ATR: variants seen among roughly 807,000 people sequenced by gnomAD.
The protein encoded by ATR is ATR checkpoint kinase, also known as serine/threonine-protein kinase ATR.
A neutral mutation model predicts 305.3 loss-of-function variants in ATR; 142 were observed. The ratio of observed to expected loss-of-function variants is 0.47; its 90% CI spans 0.41 to 0.53. The LOEUF is 0.53. Ranked by LOEUF, ATR falls within the 20% of genes least tolerant of loss-of-function variation. The probability of loss-of-function intolerance (pLI) is 0.00; values close to 1 mark genes in which losing one functional copy is unlikely to be tolerated. For synonymous variants in ATR, 1,050 were observed against 1,068.1 expected (o/e 0.98, Z 0.33); for missense variants, 2,135 against 3,133.1 (o/e 0.68, Z 7.60).
Position 142,512,476 on chromosome 3 carries a change from A to G in ATR, c.4642-6T>C, listed in dbSNP as rs2108372772. 1 of 1,577,838 alleles carries G rather than the reference A, an allele frequency of 6.3e-7. No individual in the cohort carries two copies. The highest frequency in any genetic ancestry group is 8.7e-7 in the Non-Finnish European group (1 of 1,149,034). ...GCCATAATTTCTGCATAAACCTATGAGAATCATTTATAATTAATAATAATA... is the reference window on the plus strand; with the variant it reads ...GCCATAATTTCTGCATAAACCTATGGGAATCATTTATAATTAATAATAATA... On this transcript the variant is annotated splice_polypyrimidine_tract_variant and splice_region_variant and intron_variant, in intron 26 of 46. Transcript: ENST00000350721.
chr3:142,473,037 A>T (rs1488859665), intron 36 of ATR, among the ~76,000 whole-genome samples: 1 of 152,100 alleles, frequency 6.6e-6, no homozygotes, highest in Non-Finnish European at 1.5e-5. Flanking sequence ...ACATTCTCCC[A>T]TTCTATAGGT....
intron 24 of ATR, among the ~76,000 whole-genome samples, chr3:142,516,382 C>T (rs1466550436): frequency 6.6e-6 from 1 of 152,210 alleles, no homozygotes; most frequent in Non-Finnish European, 1.5e-5. Context: ...TGCACTGATA[C>T]AGGAAAATCA....
intron 36 of ATR, among the ~76,000 whole-genome samples, chr3:142,480,877 C>A (rs1455379001): frequency 1.3e-5 from 2 of 152,226 alleles, no homozygotes; most frequent in Non-Finnish European, 2.9e-5. Context: ...GGCATGGGAC[C>A]TTCAGAGCCA....
intron 36 of ATR, chr3:142,472,115 GT>G (rs2071292893): frequency 1.3e-5 from 2 of 151,588 alleles, no homozygotes; most frequent in African/African-American, 2.4e-5. Flanking sequence ...GTGTGTGTGT[GT>G]GTGTGTGTAT....
intron 19 of ATR, 41 bp downstream of exon 19, chr3:142,538,441 T>C (rs773804731): frequency 6.3e-7 from 1 of 1,585,662 alleles, no homozygotes; most frequent in Non-Finnish European, 8.6e-7. Context: ...AAAATACAGT[T>C]TAAAAAGTTA....
At chr3:142,472,085 T>TTGTGTGTGTGTGTGTGTGTGTGTGTG (rs34342996) in intron 36 of ATR, 3 of 144,126 alleles carry the variant, frequency 2.1e-5, no homozygotes, top group African/African-American at 7.9e-5. Flanking sequence ...TAGTATTCCA[T>TTGTGTGTGTGTGTGTGTGTGTGTGTG]TGTGTGTGTG....
At chr3:142,514,034 C>A (rs2032730111) in intron 25 of ATR, among the ~76,000 whole-genome samples, 1 of 151,622 alleles carries the variant, frequency 6.6e-6, no homozygotes, top group African/African-American at 2.4e-5. Context: ...CTTTGGGAGG[C>A]CAAGGTGGGA....
chr3:142,499,958 T>G, intron 30 of ATR: 1 of 407,896 alleles, frequency 2.5e-6, no homozygotes, highest in Admixed American at 4.0e-5. Flanking sequence ...AATGACATTC[T>G]TCAACAAATT....
chr3:142,556,469 A>T lies in ATR; in HGVS notation c.1992T>A (p.His664Gln). Reference sequence around the variant, plus strand: ...TAACACAACTAGCCCGGATTACTTCATGGGAGCTCTGCAGGGCCCAGTTGT... The same window carrying T: ...TAACACAACTAGCCCGGATTACTTCTTGGGAGCTCTGCAGGGCCCAGTTGT... ...AVYNWALQSS[H>Q]EVIRASCVSG... The change falls in exon 9 of 47, where the codon CAT (histidine) becomes CAA (glutamine). Residue 664 changes from histidine to glutamine, a missense_variant. This residue lies in a region of ATR where 744 missense variants were observed against 873.2 expected (regional missense o/e 0.85). Transcript: ENST00000350721. The T allele has an allele frequency of 6.2e-7, 1 of 1,614,132 alleles. No individual in the cohort carries two copies. The highest frequency in any genetic ancestry group is 8.5e-7 in the Non-Finnish European group (1 of 1,179,976).
At chr3:142,518,449 A>G (rs1035283070) in intron 24 of ATR, among the ~76,000 whole-genome samples, 5 of 152,160 alleles carry the variant, frequency 3.3e-5, no homozygotes, top group African/African-American at 1.2e-4. Context: ...CCCAGGAGGT[A>G]GAGGCTGCAG....
At position 142,566,189 on chromosome 3, in the gene ATR, A is replaced by G. The variant is rs779259506; in HGVS notation, c.224T>C (p.Ile75Thr). 1.9e-5 allele frequency: 30 copies of G among 1,614,078 alleles called. No individual in the cohort carries two copies. Among genetic ancestry groups the G allele is most frequent in the Non-Finnish European group, 2.5e-5 (30 of 1,179,912 alleles). ...SVMLLDFIQH[I>T]MKSSPLMFVN... ...AAACATAAGTGGGGAGGATTTCATG[A>G]TATGCTGGATGAAATCAAGCAACAT... is the stretch of plus-strand genomic sequence containing the variant. Residue 75 changes from isoleucine (I) to threonine (T), a missense_variant, in exon 3 of 47, where the codon ATC becomes ACC. Physicochemically the swap from Ile to Thr is moderately conservative, Grantham distance 89 (BLOSUM62 -1). Transcript: ENST00000350721.
chr3:142,561,351 T>A lies in ATR; in HGVS notation c.1241A>T (p.Gln414Leu). The change falls in exon 5 of 47, where the codon CAA becomes CTA. Residue 414 changes from glutamine to leucine, a missense_variant. Coordinates refer to ENST00000350721, the MANE Select transcript of ATR (RefSeq NM_001184.4). ...ACTGCTGAGGTTTTCCTGTTGAGTT[T>A]GGCATTGAATCTCCTCAATGATTTC... ...SMEIIEEIQC[Q>L]TQQENLSSNS... The A allele has an allele frequency of 6.2e-7, 1 of 1,614,140 alleles. No homozygotes were observed.
At chr3:142,520,325 A>C (rs1348295980) in intron 23 of ATR, among the ~76,000 whole-genome samples, 1 of 152,182 alleles carries the variant, frequency 6.6e-6, no homozygotes, top group African/African-American at 2.4e-5. Flanking sequence ...TATACATATG[A>C]AAGGAGGAAT....
chr3:142,513,562 T>C lies in ATR; in HGVS notation c.4580A>G (p.Tyr1527Cys), dbSNP rs775209750. The change falls in exon 26 of 47, where the codon TAT (tyrosine) becomes TGT (cysteine). Residue 1527 changes from tyrosine (Y) to cysteine (C), a missense_variant. Tyr to Cys is a radical substitution (Grantham distance 194). Coordinates refer to ENST00000350721, the MANE Select transcript of ATR (RefSeq NM_001184.4). Reference protein sequence around the residue: ...MMKHDFKVTIYLLPHILVYVL... With the variant: ...MMKHDFKVTICLLPHILVYVL... ...ATACACCAGAATATGTGGAAGAAGA[T>C]AGATGGTCACTTTGAAATCATGCTT... 16 of 1,613,134 alleles carry C rather than the reference T, an allele frequency of 9.9e-6. No homozygotes were observed. Among genetic ancestry groups the C allele is most frequent in the South Asian group, 3.3e-5 (3 of 91,074 alleles).
intron 16 of ATR, among the ~76,000 whole-genome samples, chr3:142,544,524 C>A (rs1224836744): frequency 2.5e-5 from 3 of 121,010 alleles, no homozygotes; most frequent in African/African-American, 9.3e-5. Context: ...AGTATTAAAT[C>A]AATTTGTTCA....
intron 5 of ATR, 31 bp from the exon 6 acceptor site, chr3:142,560,485 C>A: frequency 6.5e-7 from 1 of 1,544,284 alleles, no homozygotes; most frequent in South Asian, 1.1e-5. Flanking sequence ...GAGAGATATT[C>A]ATATGCAATA....
chr3:142,469,244 T>C (rs766810953), intron 38 of ATR, 93 bp downstream of exon 38: 42 of 1,030,140 alleles, frequency 4.1e-5, no homozygotes, highest in Non-Finnish European at 5.3e-5. Context: ...AGAGACGCCC[T>C]GGAACTTGTA....
chr3:142,524,295 C>G, intron 21 of ATR, 96 bp from the exon 22 acceptor site: 1 of 1,186,728 alleles, frequency 8.4e-7, no homozygotes, highest in Admixed American at 2.4e-5. Context: ...GAATATCTAA[C>G]ATAAATATTG....
chr3:142,454,394 A>G (rs1008279222), intron 45 of ATR, among the ~76,000 whole-genome samples: 1 of 147,190 alleles, frequency 6.8e-6, no homozygotes. Context: ...GCTTTTGCAT[A>G]TGTCCAACTA....
Sources: allele counts gnomAD v4.1 joint callset (sites outside exome capture counted in the v4.1 genomes callset), GRCh38; gene constraint gnomAD v4.1.1; regional missense constraint gnomAD v4.1.1; transcripts MANE v1.5; gene names NCBI Gene and HGNC (gene_info 2026-07-23, HGNC 2026-07-21).